The following ZFC3H1 variants were observed in gnomAD, a reference collection of about 807,000 sequenced individuals.
ZFC3H1 encodes zinc finger C3H1-type containing.
ZFC3H1 carries 71 observed loss-of-function variants against 243.7 expected under a neutral mutation model. The ratio of observed to expected loss-of-function variants is 0.29; its 90% CI spans 0.24 to 0.36. The LOEUF (loss-of-function observed/expected upper bound fraction) is 0.36, where lower values mean the gene tolerates loss of function less well. Among genes scored for constraint, ZFC3H1 ranks in the 10% least tolerant of loss-of-function variants. The pLI, the probability that ZFC3H1 is intolerant of heterozygous loss-of-function variation, is 1.00. For synonymous variants in ZFC3H1, 838 were observed against 813.0 expected (o/e 1.03, Z -0.52); for missense variants, 1,966 against 2,317.1 (o/e 0.85, Z 3.11).
intron 2 of ZFC3H1, among the ~76,000 whole-genome samples, chr12:71,650,309 T>C (rs1468955805): frequency 6.6e-6 from 1 of 152,062 alleles, no homozygotes; most frequent in Non-Finnish European, 1.5e-5. Context: ...ATTCAATAAA[T>C]ACAAATTTCA....
At chr12:71,647,268 T>A (rs776835414) in intron 3 of ZFC3H1, among the ~76,000 whole-genome samples, 10 of 152,212 alleles carry the variant, frequency 6.6e-5, no homozygotes, top group Non-Finnish European at 1.2e-4. Flanking sequence ...TTCATTCTAC[T>A]GAAACCTCAC....
Position 71,632,500 on chromosome 12 carries a change from C to T in ZFC3H1, c.2832G>A (p.Met944Ile), listed in dbSNP as rs1221477402. 6.4e-7 allele frequency: 1 copy of T among 1,559,158 alleles called. No homozygotes were observed. Among genetic ancestry groups the T allele is most frequent in the Non-Finnish European group, 8.6e-7 (1 of 1,165,240 alleles). Residue 944 changes from methionine (M) to isoleucine (I), a missense_variant, in exon 15 of 35, where the codon ATG (methionine) becomes ATA (isoleucine). This residue lies in a region of ZFC3H1 where 1,383 missense variants were observed against 1,723.7 expected (regional missense o/e 0.80). Transcript: ENST00000378743. ...EQDRFGPNKM[M>I]RLDSSPVSSP... ...TTGATACTGGAGAACTGTCCAGTCTCATCATTTTGTTTGGCTAAGGGAGAA... is the reference window on the plus strand; with the variant it reads ...TTGATACTGGAGAACTGTCCAGTCTTATCATTTTGTTTGGCTAAGGGAGAA...
intron 6 of ZFC3H1, among the ~76,000 whole-genome samples, chr12:71,640,281 C>A (rs1475960972): frequency 6.6e-6 from 1 of 152,170 alleles, no homozygotes; most frequent in East Asian, 1.9e-4. Context: ...CTCGGCCTCC[C>A]AAAAGTTCTG....
In ZFC3H1 at chr12:71,630,633, T is replaced by C; in HGVS notation, c.3691A>G (p.Thr1231Ala). ...YNLSLIGCAETSTNEEITASA... is the reference protein window; with the variant it reads ...YNLSLIGCAEASTNEEITASA... ...GCAGTAATTTCTTCATTAGTACTTG[T>C]CTCTGCACAACCAATCAAAGACAGA... Residue 1231 changes from threonine (T) to alanine (A), a missense_variant, in exon 18 of 35, where the codon ACA (threonine) becomes GCA (alanine). Thr to Ala is a moderately conservative substitution (Grantham distance 58). Around this residue, in one of 4 missense-constraint regions of ZFC3H1, gnomAD observed 1,383 missense variants for 1,723.7 expected, o/e 0.80. Transcript: ENST00000378743. The C allele has an allele frequency of 6.2e-7, 1 of 1,613,166 alleles. No individual in the cohort carries two copies. The highest frequency in any genetic ancestry group is 8.5e-7 in the Non-Finnish European group (1 of 1,179,650).
intron 32 of ZFC3H1, 52 bp downstream of exon 32, chr12:71,611,734 C>T: frequency 1.8e-6 from 2 of 1,135,494 alleles, no homozygotes; most frequent in Non-Finnish European, 2.5e-6. Context: ...TGGAGCAAAC[C>T]TTATAAATAA....
chr12:71,620,117 C>G lies in ZFC3H1; in HGVS notation c.4858G>C (p.Ala1620Pro). 1.2e-6 allele frequency: 2 copies of G among 1,608,614 alleles called. No individual in the cohort carries two copies. Among genetic ancestry groups the G allele is most frequent in the Non-Finnish European group, 1.7e-6 (2 of 1,178,496 alleles). Residue 1620 changes from alanine (A) to proline (P), a missense_variant, in exon 26 of 35, where the codon GCT becomes CCT. Coordinates refer to ENST00000378743, the MANE Select transcript of ZFC3H1 (RefSeq NM_144982.5). ...ALHQLLERYE[A>P]AMELCKSLLE... Reference sequence around the variant, plus strand: ...AAAGATTTACAAAGCTCCATTGCAGCCTCATACCTTAACAAAAAAGAAAAA... The same window carrying G: ...AAAGATTTACAAAGCTCCATTGCAGGCTCATACCTTAACAAAAAAGAAAAA...
Position 71,645,033 on chromosome 12 carries a change from G to A in ZFC3H1, c.1123C>T (p.Arg375Cys), listed in dbSNP as rs1253733150. ...DEEELSELQL[R>C]LLALQSASKK... ...CTGGCTGACTGAAGAGCCAAAAGGC[G>A]AAGCTGTAATTCAGATAGTTCCTCT... Residue 375 changes from arginine (R) to cysteine (C), a missense_variant, in exon 4 of 35, where the codon CGC becomes TGC. By Grantham distance (180) the Arg-to-Cys change is radical. Transcript: ENST00000378743. The A allele has an allele frequency of 1.2e-6, 2 of 1,613,694 alleles. No homozygotes were observed. Among genetic ancestry groups the A allele is most frequent in the Non-Finnish European group, 1.7e-6 (2 of 1,179,972 alleles).
chr12:71,638,582 T>A, intron 6 of ZFC3H1, 67 bp from the exon 7 acceptor site: 2 of 1,310,684 alleles, frequency 1.5e-6, no homozygotes, highest in South Asian at 2.8e-5. Context: ...ATTAAGTTTA[T>A]GTTATGTTTG....
chr12:71,646,931 T>C lies in ZFC3H1; in HGVS notation c.1080+818A>G, dbSNP rs112396115. Among the ~76,000 whole-genome samples, 1,026 of 152,354 alleles carry C rather than the reference T, an allele frequency of 6.7e-3. 12 individuals are homozygous for C. The highest frequency in any genetic ancestry group is 0.023 in the African/African-American group (962 of 41,584). On this transcript the variant is annotated intron_variant, in intron 3 of 34. Transcript: ENST00000378743. ...TACTTGCTCTGACACTTAATTCCTA[T>C]GTAACTTTAGGCAAGTCACTTAATC...
intron 6 of ZFC3H1, among the ~76,000 whole-genome samples, chr12:71,642,221 A>AATT (rs1880618064): frequency 3.3e-5 from 5 of 152,292 alleles, no homozygotes; most frequent in African/African-American, 1.2e-4. Flanking sequence ...TTTTAATTTA[A>AATT]AGGCTATCTA....
intron 29 of ZFC3H1, 66 bp downstream of exon 29, chr12:71,614,768 C>A: frequency 6.3e-7 from 1 of 1,587,920 alleles, no homozygotes; most frequent in South Asian, 1.1e-5. Context: ...GAAAGCTGGT[C>A]ACCCCTTTCC....
In ZFC3H1 at chr12:71,619,420, A is replaced by G. The variant is rs773839010; in HGVS notation, c.5050-11T>C. 6.2e-7 allele frequency: 1 copy of G among 1,609,012 alleles called. No homozygotes were observed. The highest frequency in any genetic ancestry group is 1.1e-5 in the South Asian group (1 of 90,876). On this transcript the variant is annotated splice_polypyrimidine_tract_variant and intron_variant, in intron 26 of 34. Transcript: ENST00000378743. ...ATTATCGCCTCGATTCTATTTTAAA[A>G]AGAGGGAGGGGGATATATATCAGGC...
In ZFC3H1 at chr12:71,631,847, T is replaced by C. The variant is rs1324302905; in HGVS notation, c.3401A>G (p.Lys1134Arg). 1.4e-5 allele frequency: 23 copies of C among 1,613,796 alleles called. No individual in the cohort carries two copies. The highest frequency in any genetic ancestry group is 1.9e-5 in the Non-Finnish European group (23 of 1,179,824). The change falls in exon 16 of 35, where the codon AAA (lysine) becomes AGA (arginine). Residue 1134 changes from lysine (K) to arginine (R), a missense_variant. Coordinates refer to ENST00000378743, the MANE Select transcript of ZFC3H1 (RefSeq NM_144982.5). Reference sequence around the variant, plus strand: ...AGGACATGGCTTCACTTCCATTGTTTTACTTTGTGCTGTGACAAAATCCAC... The same window carrying C: ...AGGACATGGCTTCACTTCCATTGTTCTACTTTGTGCTGTGACAAAATCCAC... ...VDVDFVTAQS[K>R]TMEVKPCPFR...
chr12:71,663,637 C>G lies in ZFC3H1; in HGVS notation c.-27G>C, dbSNP rs771343278. ...CGGGGAGCAGCGCCTTCCACACAAC[C>G]TTAGCCCTCCGTCCGGGGATCCGCC... is the stretch of plus-strand genomic sequence containing the variant. On this transcript the variant is annotated 5_prime_UTR_variant, in exon 1 of 35. Transcript: ENST00000378743. The G allele has an allele frequency of 6.3e-7, 1 of 1,589,466 alleles. No homozygotes were observed. Among genetic ancestry groups the G allele is most frequent in the African/African-American group, 1.3e-5 (1 of 74,596 alleles).
In ZFC3H1 at chr12:71,611,104, G is replaced by GAAAAAAAA. The variant is rs566085973; in HGVS notation, c.5730-15_5730-8dup. ...AATCTCAGCAGCAATGGCTCTAAGAGAAAAAAAAAAAAAAAGAAATATAGA... is the reference window on the plus strand; with the variant it reads ...AATCTCAGCAGCAATGGCTCTAAGAGAAAAAAAAAAAAAAAAAAAAAAAGAAATATAGA... On this transcript the variant is annotated splice_polypyrimidine_tract_variant and splice_region_variant and intron_variant, in intron 32 of 34. Transcript: ENST00000378743. 2.3e-5 allele frequency: 30 copies of GAAAAAAAA among 1,280,924 alleles called. No individual in the cohort carries two copies. Among genetic ancestry groups the GAAAAAAAA allele is most frequent in the South Asian group, 1.5e-4 (8 of 54,502 alleles). The allele number at this position is 1,280,924 out of a possible 1,614,324, so 79.3% of individuals were successfully genotyped here.
At position 71,647,812 on chromosome 12, in the gene ZFC3H1, T is replaced by C. The variant is rs1227087570; in HGVS notation, c.1017A>G (p.Gly339=). The part of the protein sequence containing the change: ...LKSDTTDSSQ[G]LQDKEQNLTR... ...TTAAATTTTGTTCTTTATCTTGTAA[T>C]CCTTTAAAATAAAATAATATCTTTT... The change falls in exon 3 of 35, where the codon GGA becomes GGG. Residue 339 remains glycine, a splice_region_variant and synonymous_variant. Coordinates refer to ENST00000378743, the MANE Select transcript of ZFC3H1 (RefSeq NM_144982.5). 3 of 1,220,744 alleles carry C rather than the reference T, an allele frequency of 2.5e-6. No homozygotes were observed. The highest frequency in any genetic ancestry group is 3.5e-6 in the Non-Finnish European group (3 of 863,200). 75.6% of individuals were successfully genotyped at this position (1,220,744 alleles called of 1,614,324 possible).
Position 71,614,942 on chromosome 12 carries a change from T to G in ZFC3H1, c.5256-4A>C. 6.2e-7 allele frequency: 1 copy of G among 1,609,432 alleles called. No individual in the cohort carries two copies. The highest frequency in any genetic ancestry group is 8.5e-7 in the Non-Finnish European group (1 of 1,176,724). Reference sequence around the variant, plus strand: ...TGATTGAAGAGGATGACAAAGGCTGTTTAAAAAATGAAGGAAAACATATGT... The same window carrying G: ...TGATTGAAGAGGATGACAAAGGCTGGTTAAAAAATGAAGGAAAACATATGT... On this transcript the variant is annotated splice_polypyrimidine_tract_variant and splice_region_variant and intron_variant, in intron 28 of 34. Coordinates refer to ENST00000378743, the MANE Select transcript of ZFC3H1 (RefSeq NM_144982.5).
intron 5 of ZFC3H1, 101 bp downstream of exon 5, chr12:71,643,994 G>C: frequency 1.9e-6 from 2 of 1,059,624 alleles, no homozygotes; most frequent in Non-Finnish European, 2.7e-6. Flanking sequence ...TTTTCCAAGA[G>C]TTATTTATAA....
In ZFC3H1 at chr12:71,633,257, T is replaced by C; in HGVS notation, c.2685+7A>G. On this transcript the variant is annotated splice_region_variant and intron_variant, in intron 13 of 34. Coordinates refer to ENST00000378743, the MANE Select transcript of ZFC3H1 (RefSeq NM_144982.5). ...AACAGGAGACTACAGTATTTTAAAATAATTACTTGTTCCTGAAGCTTCTTC... is the reference window on the plus strand; with the variant it reads ...AACAGGAGACTACAGTATTTTAAAACAATTACTTGTTCCTGAAGCTTCTTC... 6.4e-7 allele frequency: 1 copy of C among 1,567,726 alleles called. No individual in the cohort carries two copies. The highest frequency in any genetic ancestry group is 8.6e-7 in the Non-Finnish European group (1 of 1,163,368).
Sources: allele counts gnomAD v4.1 joint callset (sites outside exome capture counted in the v4.1 genomes callset), GRCh38; gene constraint gnomAD v4.1.1; regional missense constraint gnomAD v4.1.1; transcripts MANE v1.5; gene names NCBI Gene and HGNC (gene_info 2026-07-23, HGNC 2026-07-21).